The following GDAP1 variants were observed in gnomAD, a reference collection of about 807,000 sequenced individuals.
GDAP1 encodes the protein ganglioside-induced differentiation-associated protein 1.
GDAP1 carries 34 observed loss-of-function variants against 40.1 expected under a neutral mutation model. The ratio of observed to expected loss-of-function variants is 0.85; its 90% CI spans 0.64 to 1.13. The LOEUF (loss-of-function observed/expected upper bound fraction) is 1.13. GDAP1 is among the 50% of genes most tolerant of loss of function. The probability of loss-of-function intolerance (pLI) is 0.00; values close to 1 mark genes in which losing one functional copy is unlikely to be tolerated. For synonymous variants in GDAP1, 170 were observed against 157.4 expected, an observed-to-expected ratio of 1.08 and a Z score of -0.60; for missense variants, 374 against 433.7, an observed-to-expected ratio of 0.86 and a Z score of 1.22.
chr8:74,384,702 C>T (rs1317257848), intron 2 of GDAP1, among the ~76,000 whole-genome samples: 2 of 152,130 alleles, frequency 1.3e-5, no homozygotes, highest in African/African-American at 2.4e-5. Context: ...TTCAATATAA[C>T]TTCATTAAAA....
At chr8:74,384,440 G>C (rs1390537447) in intron 2 of GDAP1, among the ~76,000 whole-genome samples, 1 of 152,050 alleles carries the variant, frequency 6.6e-6, no homozygotes, top group East Asian at 1.9e-4. Flanking sequence ...CCCTATGAAT[G>C]GAACTTAAAC....
At chr8:74,479,072 G>A (rs1238489830) in intron 2 of GDAP1, among the ~76,000 whole-genome samples, 2 of 152,142 alleles carry the variant, frequency 1.3e-5, no homozygotes, top group African/African-American at 2.4e-5. Flanking sequence ...TACTCCTCCT[G>A]ATTGAGTTTA....
intron 2 of GDAP1, among the ~76,000 whole-genome samples, chr8:74,386,691 A>C (rs552654785): frequency 4.9e-4 from 74 of 152,176 alleles, no homozygotes; most frequent in African/African-American, 1.7e-3. Flanking sequence ...TCCATATGAA[A>C]TTTAAAGTAG....
At chr8:74,352,049 C>G (rs1808901687) in intron 2 of GDAP1, among the ~76,000 whole-genome samples, 1 of 152,194 alleles carries the variant, frequency 6.6e-6, no homozygotes, top group African/African-American at 2.4e-5. Context: ...ATAATGTCTT[C>G]AAAAGTATCT....
intron 2 of GDAP1, among the ~76,000 whole-genome samples, chr8:74,391,917 C>T (rs10957712): frequency 0.36 from 54,984 of 151,850 alleles, 10,412 homozygotes; most frequent in Middle Eastern, 0.47. Context: ...CTCCCGGGTT[C>T]AAGTGATTCT....
At chr8:74,384,357 A>G (rs1178863569) in intron 2 of GDAP1, among the ~76,000 whole-genome samples, 1 of 152,130 alleles carries the variant, frequency 6.6e-6, no homozygotes, top group Non-Finnish European at 1.5e-5. Context: ...CCATGCATGA[A>G]CAATTTTTAT....
At chr8:74,395,945 C>T (rs768641264) in intron 2 of GDAP1, among the ~76,000 whole-genome samples, 4 of 152,086 alleles carry the variant, frequency 2.6e-5, no homozygotes, top group South Asian at 4.1e-4. Flanking sequence ...AACATATTAA[C>T]GTACGGTGAA....
chr8:74,471,926 AAATT>A (rs1327204382), intron 2 of GDAP1, among the ~76,000 whole-genome samples: 10 of 152,260 alleles, frequency 6.6e-5, no homozygotes, highest in East Asian at 1.9e-4. Flanking sequence ...TCACTTAATT[AAATT>A]AATTAATTAA....
chr8:74,374,514 A>G (rs1809818471), intron 2 of GDAP1, among the ~76,000 whole-genome samples: 1 of 152,122 alleles, frequency 6.6e-6, no homozygotes, highest in African/African-American at 2.4e-5. Flanking sequence ...AAAAAAAATC[A>G]ATGCAGCAAC....
At chr8:74,374,068 G>T (rs572817756) in intron 2 of GDAP1, among the ~76,000 whole-genome samples, 24 of 152,052 alleles carry the variant, frequency 1.6e-4, no homozygotes, top group African/African-American at 5.8e-4. Context: ...TTTATTGATT[G>T]GCGTACGTTG....
chr8:74,407,987 T>C (rs1365196529), intron 2 of GDAP1, among the ~76,000 whole-genome samples: 1 of 150,208 alleles, frequency 6.7e-6, no homozygotes, highest in African/African-American at 2.5e-5. Context: ...TCTATTTCTT[T>C]CCTCAACTTT....
intron 2 of GDAP1, among the ~76,000 whole-genome samples, chr8:74,441,009 C>T (rs368523308): frequency 5.1e-5 from 2 of 38,884 alleles, no homozygotes; most frequent in South Asian, 1.5e-3. Flanking sequence ...TGCATATTAA[C>T]GTCTGCCCTT....
chr8:74,480,376 T>G (rs531486467), intron 2 of GDAP1, among the ~76,000 whole-genome samples: 7 of 151,856 alleles, frequency 4.6e-5, no homozygotes, highest in African/African-American at 1.7e-4. Context: ...ACTCTAGGAG[T>G]TGGGTTGTGG....
At chr8:74,408,982 G>A (rs1335871111) in intron 2 of GDAP1, among the ~76,000 whole-genome samples, 1 of 149,936 alleles carries the variant, frequency 6.7e-6, no homozygotes, top group Non-Finnish European at 1.5e-5. Flanking sequence ...AGCTTCAAAG[G>A]CTGTTTCTTG....
chr8:74,405,296 G>A (rs1045999730), intron 2 of GDAP1, among the ~76,000 whole-genome samples: 4 of 150,170 alleles, frequency 2.7e-5, no homozygotes, highest in East Asian at 3.8e-4. Flanking sequence ...CCCTTGACAC[G>A]TGAGGATTGT....
intron 2 of GDAP1, among the ~76,000 whole-genome samples, chr8:74,391,144 C>T (rs960575146): frequency 2.0e-5 from 3 of 152,060 alleles, no homozygotes; most frequent in Non-Finnish European, 4.4e-5. Context: ...CTGAGCCAGA[C>T]CACTTAGCTT....
At chr8:74,485,879 C>G (rs1197122695) in intron 2 of GDAP1, among the ~76,000 whole-genome samples, 1 of 152,002 alleles carries the variant, frequency 6.6e-6, no homozygotes. Flanking sequence ...GTCCAGAGCC[C>G]AAGAATGAGG....
chr8:74,454,651 A>G lies in GDAP1; in HGVS notation c.166-34027A>G, dbSNP rs1407480638. 1.2e-4 allele frequency among the ~76,000 whole-genome samples: 3 copies of G among 24,742 alleles called. 1 individual carries two copies. The highest frequency in any genetic ancestry group is 6.4e-4 in the African/African-American group (3 of 4,668). The allele number at this position is 24,742 out of a possible 152,430, so 16.2% of individuals were successfully genotyped here. ...TTCTTAGGGATCATAAATAAGAAAA[A>G]TGGATTTACATTTCTGCTCAGTCAT... is the stretch of plus-strand genomic sequence containing the variant. On this transcript the variant is annotated intron_variant, in intron 2 of 2. Coordinates refer to the GDAP1 transcript ENST00000523640.
intron 2 of GDAP1, among the ~76,000 whole-genome samples, chr8:74,379,258 A>G (rs903571563): frequency 6.6e-5 from 10 of 150,394 alleles, no homozygotes; most frequent in Non-Finnish European, 1.2e-4. Flanking sequence ...CTGTGTAGGA[A>G]GGGCCAAGTA....
Sources: gnomAD v4.1 joint callset for allele counts (sites outside exome capture counted in the v4.1 genomes callset) on GRCh38, gnomAD v4.1.1 for gene constraint, MANE v1.5 for transcripts, NCBI Gene and HGNC (gene_info 2026-07-23, HGNC 2026-07-21) for gene names.